CTNND2: variants seen among roughly 807,000 people sequenced by gnomAD.
CTNND2 encodes catenin delta-2.
In CTNND2, 22 loss-of-function variants were observed where a neutral mutation model predicts 144.4. The ratio of observed to expected loss-of-function variants is 0.15; its 90% CI spans 0.11 to 0.22. The LOEUF (loss-of-function observed/expected upper bound fraction) is 0.22. CTNND2 is among the 10% of genes least tolerant of loss of function. The pLI is 1.00. For synonymous variants in CTNND2, 751 were observed against 695.6 expected (o/e 1.08, Z -1.25); for missense variants, 1,353 against 1,618.8 (o/e 0.84, Z 2.82).
chr5:11,521,485 A>G (rs562162077), intron 3 of CTNND2, among the ~76,000 whole-genome samples: 1 of 152,348 alleles, frequency 6.6e-6, no homozygotes, highest in South Asian at 2.1e-4. Flanking sequence ...TATTTAGCAC[A>G]CTGCTTGCTT....
At chr5:11,664,545 C>A (rs747259266) in intron 2 of CTNND2, among the ~76,000 whole-genome samples, 6 of 152,200 alleles carry the variant, frequency 3.9e-5, no homozygotes, top group South Asian at 4.1e-4. Context: ...AGTGCCACTG[C>A]ACTCCAGCCT....
chr5:11,695,093 A>T (rs1785083408), intron 2 of CTNND2, among the ~76,000 whole-genome samples: 1 of 152,256 alleles, frequency 6.6e-6, no homozygotes, highest in Non-Finnish European at 1.5e-5. Flanking sequence ...AATAGAAAGT[A>T]GATAGAAAAC....
At chr5:11,798,887 CA>C (rs1791539060) in intron 1 of CTNND2, among the ~76,000 whole-genome samples, 1 of 152,152 alleles carries the variant, frequency 6.6e-6, no homozygotes, top group Admixed American at 6.5e-5. Context: ...ATACAAAACA[CA>C]GTATAAATCA....
intron 1 of CTNND2, among the ~76,000 whole-genome samples, chr5:11,868,649 T>C (rs1795887738): frequency 6.6e-6 from 1 of 152,148 alleles, no homozygotes; most frequent in African/African-American, 2.4e-5. Flanking sequence ...TAAGAGGTAA[T>C]TGGATCATGA....
chr5:11,613,456 T>C (rs972206266), intron 2 of CTNND2, among the ~76,000 whole-genome samples: 1 of 152,206 alleles, frequency 6.6e-6, no homozygotes, highest in Non-Finnish European at 1.5e-5. Context: ...ACCATCATTT[T>C]ATGGTATTCA....
chr5:10,974,554 C>A (rs918025818), intron 21 of CTNND2, among the ~76,000 whole-genome samples: 2 of 152,182 alleles, frequency 1.3e-5, no homozygotes, highest in Non-Finnish European at 2.9e-5. Context: ...GGTCCCTTTT[C>A]AAGCACCTGC....
chr5:11,603,686 T>C (rs1034417214), intron 2 of CTNND2, among the ~76,000 whole-genome samples: 6 of 152,214 alleles, frequency 3.9e-5, no homozygotes, highest in African/African-American at 1.4e-4. Flanking sequence ...GAGATAATGA[T>C]AATAAACAGT....
At chr5:11,641,508 T>C (rs1016990052) in intron 2 of CTNND2, among the ~76,000 whole-genome samples, 12 of 151,534 alleles carry the variant, frequency 7.9e-5, no homozygotes, top group African/African-American at 2.9e-4. Context: ...TACACGTATA[T>C]GTACATGCAC....
chr5:11,588,914 G>T, intron 2 of CTNND2: 1 of 985,220 alleles, frequency 1.0e-6, no homozygotes. Context: ...CGGCTAAAAG[G>T]AACCACAGAG....
intron 11 of CTNND2, among the ~76,000 whole-genome samples, chr5:11,183,713 G>A (rs1225671804): frequency 2.0e-5 from 3 of 151,860 alleles, no homozygotes; most frequent in Non-Finnish European, 4.4e-5. Flanking sequence ...GCCTGCCACC[G>A]TGCCTGGCTA....
At chr5:11,430,422 T>TAAA (rs5865939) in intron 3 of CTNND2, among the ~76,000 whole-genome samples, 2 of 127,064 alleles carry the variant, frequency 1.6e-5, no homozygotes, top group Non-Finnish European at 1.7e-5. Flanking sequence ...ATGACTTGAT[T>TAAA]AAAAAAAAAA....
At chr5:11,125,412 T>A (rs1754578606) in intron 12 of CTNND2, among the ~76,000 whole-genome samples, 1 of 152,268 alleles carries the variant, frequency 6.6e-6, no homozygotes, top group South Asian at 2.1e-4. Flanking sequence ...CCTGCTGCGG[T>A]GCACATAGCT....
At chr5:11,390,766 G>A (rs375980522) in intron 6 of CTNND2, among the ~76,000 whole-genome samples, 12 of 152,292 alleles carry the variant, frequency 7.9e-5, no homozygotes, top group African/African-American at 1.7e-4. Flanking sequence ...CCAGCTTAAC[G>A]GGATCAGCAG....
intron 2 of CTNND2, among the ~76,000 whole-genome samples, chr5:11,580,465 G>C (rs1265956538): frequency 6.6e-6 from 1 of 152,186 alleles, no homozygotes; most frequent in African/African-American, 2.4e-5. Flanking sequence ...AGAAACCTTA[G>C]CATGCAGAAA....
intron 16 of CTNND2, among the ~76,000 whole-genome samples, chr5:11,054,282 A>T (rs1046734903): frequency 1.3e-5 from 2 of 152,206 alleles, no homozygotes; most frequent in Non-Finnish European, 2.9e-5. Context: ...GGCTTCTAAC[A>T]ACAGCCCTAG....
In CTNND2 at chr5:11,110,984, C is replaced by G; in HGVS notation, c.2337G>C (p.Thr779=). The G allele has an allele frequency of 6.2e-7, 1 of 1,614,138 alleles. No homozygotes were observed. Among genetic ancestry groups the G allele is most frequent in the Non-Finnish European group, 8.5e-7 (1 of 1,180,024 alleles). ...CCGTGCCCATGTGCTGTCCCTGAGA[C>G]GTTTCTGCCGCCAGCCGGTACGAGA... ...RNLSYRLAAE[T]SQGQHMGTDE... is the part of the protein sequence containing the mutation. The change falls in exon 14 of 22, where the codon ACG becomes ACC. Residue 779 remains threonine (T), a synonymous_variant. Transcript: ENST00000304623.
intron 15 of CTNND2, among the ~76,000 whole-genome samples, chr5:11,096,714 A>G (rs568881575): frequency 6.6e-6 from 1 of 152,320 alleles, no homozygotes; most frequent in South Asian, 2.1e-4. Context: ...TAATGAAATA[A>G]GTATTTCTCA....
rs61751832 is a variant in CTNND2 at position 11,168,291 on chromosome 5, G to T, written c.1976-8532C>A. Among the ~76,000 whole-genome samples, 585 of 152,250 alleles carry T rather than the reference G, an allele frequency of 3.8e-3. 4 individuals are homozygous for T. Among genetic ancestry groups the T allele is most frequent in the African/African-American group, 0.013 (561 of 41,566 alleles). On this transcript the variant is annotated intron_variant, in intron 11 of 21. Coordinates refer to ENST00000304623, the MANE Select transcript of CTNND2 (RefSeq NM_001332.4). Reference sequence around the variant, plus strand: ...AAATGATGCCTGTCCCAAACTGGATGCCTATCTGCAACTGGCAATGCAGCT... The same window carrying T: ...AAATGATGCCTGTCCCAAACTGGATTCCTATCTGCAACTGGCAATGCAGCT...
chr5:11,580,202 A>G (rs1415841530), intron 2 of CTNND2, among the ~76,000 whole-genome samples: 9 of 152,136 alleles, frequency 5.9e-5, no homozygotes, highest in Admixed American at 5.9e-4. Context: ...AGGAAATACT[A>G]TCACCATTAT....
Sources: gnomAD v4.1 joint callset for allele counts (sites outside exome capture counted in the v4.1 genomes callset) on GRCh38, gnomAD v4.1.1 for gene constraint, MANE v1.5 for transcripts, NCBI Gene and HGNC (gene_info 2026-07-23, HGNC 2026-07-21) for gene names.